Variants in ECT2L observed in about 807,000 individuals in gnomAD.
ECT2L encodes epithelial cell transforming 2 like, also known as epithelial cell-transforming sequence 2 oncogene-like.
A neutral mutation model predicts 122.8 loss-of-function variants in ECT2L; 126 were observed. That is an observed-to-expected ratio of 1.03 (90% confidence interval 0.89 to 1.19). ECT2L has a LOEUF of 1.19. Among genes scored for constraint, ECT2L ranks in the 50% most tolerant of loss-of-function variants. The probability of loss-of-function intolerance (pLI) is 0.00; values close to 1 mark genes in which losing one functional copy is unlikely to be tolerated. For missense variants in ECT2L, 1,012 were observed against 1,064.1 expected, an observed-to-expected ratio of 0.95 and a Z score of 0.68; for synonymous variants, 385 against 381.8, an observed-to-expected ratio of 1.01 and a Z score of -0.10.
intron 10 of ECT2L, 50 bp downstream of exon 10, chr6:138,854,204 G>A (rs768978593): frequency 6.5e-7 from 1 of 1,535,830 alleles, no homozygotes; most frequent in Non-Finnish European, 8.8e-7. Flanking sequence ...CACTTCATGG[G>A]GATATGTTGT....
chr6:138,886,965 A>T lies in ECT2L; in HGVS notation c.2325+43A>T, dbSNP rs755608437. 10 of 1,527,868 alleles carry T rather than the reference A, an allele frequency of 6.5e-6. No homozygotes were observed. In the East Asian group the frequency reaches 2.0e-4, roughly 31 times the overall value. 94.6% of individuals were successfully genotyped at this position (1,527,868 alleles called of 1,614,324 possible). On this transcript the variant is annotated intron_variant, in intron 19 of 21. Transcript: ENST00000541398. The stretch of plus-strand genomic sequence containing the variant: ...CTTGCTGTATCTCATGCTCATGAAT[A>T]CAACCTCCAGTCTTTTGCAAAAGGA...
intron 4 of ECT2L, among the ~76,000 whole-genome samples, chr6:138,832,544 C>T (rs1776681995): frequency 6.6e-6 from 1 of 152,092 alleles, no homozygotes; most frequent in Admixed American, 6.6e-5. Context: ...GGACTTAAGC[C>T]CATGCAAGGT....
chr6:138,850,914 T>G (rs1777416258), intron 9 of ECT2L, among the ~76,000 whole-genome samples: 1 of 135,518 alleles, frequency 7.4e-6, no homozygotes, highest in Non-Finnish European at 1.5e-5. Context: ...GGCAGGAGAA[T>G]CGCTTGAACC....
chr6:138,842,721 G>A (rs1285819416), intron 5 of ECT2L, among the ~76,000 whole-genome samples: 1 of 152,058 alleles, frequency 6.6e-6, no homozygotes, highest in South Asian at 2.1e-4. Flanking sequence ...GCAATGAGCC[G>A]AGCTCGTGCC....
chr6:138,805,639 C>A (rs536908318), intron 1 of ECT2L, among the ~76,000 whole-genome samples: 1 of 152,250 alleles, frequency 6.6e-6, no homozygotes, highest in Non-Finnish European at 1.5e-5. Flanking sequence ...TTCATTTGCA[C>A]ATCTGGTGCT....
chr6:138,846,434 G>T (rs374610067), intron 7 of ECT2L, 105 bp from the exon 8 acceptor site: 2 of 1,095,960 alleles, frequency 1.8e-6, no homozygotes, highest in Admixed American at 3.0e-5. Flanking sequence ...TGGAGGCCAC[G>T]TGCCTTGTAG....
intron 13 of ECT2L, among the ~76,000 whole-genome samples, 163 bp from the exon 14 acceptor site, chr6:138,876,308 TA>T (rs1778447911): frequency 6.6e-6 from 1 of 152,144 alleles, no homozygotes; most frequent in Non-Finnish European, 1.5e-5. Context: ...AAATTGAATG[TA>T]AGAGTGGCAT....
chr6:138,847,535 T>C (rs1478587646), intron 8 of ECT2L, among the ~76,000 whole-genome samples: 1 of 144,004 alleles, frequency 6.9e-6, no homozygotes, highest in Non-Finnish European at 1.5e-5. Flanking sequence ...CATGCCCGGC[T>C]AATTTTTTTT....
At chr6:138,890,409 T>A (rs2128411198) in intron 20 of ECT2L, among the ~76,000 whole-genome samples, 1 of 151,558 alleles carries the variant, frequency 6.6e-6, no homozygotes, top group South Asian at 2.1e-4. Context: ...CCTCCATCCT[T>A]ACCTAGACTA....
chr6:138,799,400 C>T (rs1382297071), intron 1 of ECT2L, among the ~76,000 whole-genome samples: 1 of 151,940 alleles, frequency 6.6e-6, no homozygotes, highest in Non-Finnish European at 1.5e-5. Context: ...ACTACAGGCA[C>T]CCGCCACCAC....
At chr6:138,834,935 A>ACACACTCTCTCT (rs5880405) in intron 4 of ECT2L, among the ~76,000 whole-genome samples, 43 of 142,868 alleles carry the variant, frequency 3.0e-4, no homozygotes, top group Non-Finnish European at 3.9e-4. Context: ...ACACACACAC[A>ACACACTCTCTCT]CTCTCATTCT....
intron 7 of ECT2L, among the ~76,000 whole-genome samples, chr6:138,845,208 C>G (rs1252074870): frequency 6.6e-6 from 1 of 151,406 alleles, no homozygotes; most frequent in Non-Finnish European, 1.5e-5. Flanking sequence ...CATTGTGCAT[C>G]TGCTTAGAAT....
At chr6:138,896,963 G>A (rs115819170) in intron 20 of ECT2L, among the ~76,000 whole-genome samples, 2,279 of 152,254 alleles carry the variant, frequency 0.015, 56 homozygotes, top group African/African-American at 0.052. Context: ...TTCTTTTAAA[G>A]TTTTATGTAT....
At chr6:138,862,313 A>T in intron 10 of ECT2L, among the ~76,000 whole-genome samples, 1 of 152,162 alleles carries the variant, frequency 6.6e-6, no homozygotes, top group Non-Finnish European at 1.5e-5. Flanking sequence ...GGAGCTTATA[A>T]TCACGGCAGA....
In ECT2L at chr6:138,899,015, T is replaced by C. The variant is rs569642336; in HGVS notation, c.2415-1933T>C. 3.2e-4 allele frequency among the ~76,000 whole-genome samples: 49 copies of C among 152,192 alleles called. 1 individual carries two copies. The South Asian group carries it at 0.01, about 32-fold the overall frequency. On this transcript the variant is annotated intron_variant, in intron 20 of 21. Transcript: ENST00000541398. ...GGTTTATCTGAAGAAAGGGAAACCA[T>C]AAATAAGGGGGGACTATTGTGTAGC... is the stretch of plus-strand genomic sequence containing the variant.
intron 13 of ECT2L, among the ~76,000 whole-genome samples, chr6:138,869,035 C>T (rs1476068384): frequency 3.3e-5 from 5 of 152,096 alleles, no homozygotes; most frequent in East Asian, 1.9e-4. Context: ...GGCATGGTGG[C>T]GGGCACCTGT....
At chr6:138,814,406 T>G (rs952120840) in intron 3 of ECT2L, 85 bp from the exon 4 acceptor site, 1 of 753,772 alleles carries the variant, frequency 1.3e-6, no homozygotes, top group East Asian at 2.7e-5. Flanking sequence ...GCTGTGAGGT[T>G]GCTGGTAGAT....
At chr6:138,861,521 A>G (rs1468968477) in intron 10 of ECT2L, among the ~76,000 whole-genome samples, 3 of 152,176 alleles carry the variant, frequency 2.0e-5, no homozygotes, top group South Asian at 2.1e-4. Context: ...GGCCGCATAA[A>G]TGTCTTCTTT....
At position 138,814,519 on chromosome 6, in the gene ECT2L, G is replaced by C; in HGVS notation, c.95G>C (p.Ser32Thr). The stretch of plus-strand genomic sequence containing the variant: ...TTTCAGGAAAGAGTGGCTCTTATAA[G>C]TCATTGGTTTGACCTCTGGACTAAC... ...QLFQERVALI[S>T]HWFDLWTNKQ... Residue 32 changes from serine to threonine, a missense_variant, in exon 4 of 22, where the codon AGT becomes ACT. Physicochemically the swap from Ser to Thr is moderately conservative, Grantham distance 58. Transcript: ENST00000541398. 1 of 1,611,100 alleles carries C rather than the reference G, an allele frequency of 6.2e-7. No individual in the cohort carries two copies. The highest frequency in any genetic ancestry group is 1.1e-5 in the South Asian group (1 of 90,794).
Sources: allele counts gnomAD v4.1 joint callset (sites outside exome capture counted in the v4.1 genomes callset), GRCh38; gene constraint gnomAD v4.1.1; transcripts MANE v1.5; gene names NCBI Gene and HGNC (gene_info 2026-07-23, HGNC 2026-07-21).